APP: variants seen among roughly 807,000 people sequenced by gnomAD.
APP encodes amyloid beta precursor protein.
Under a neutral mutation model 101.4 loss-of-function variants are expected in APP, and 31 were observed. That is an observed-to-expected ratio of 0.31 (90% CI 0.23 to 0.41). APP has a LOEUF of 0.41. Ranked by LOEUF, APP falls within the 10% of genes least tolerant of loss-of-function variation. APP has a pLI of 1.00. For synonymous variants in APP, 366 were observed against 364.4 expected (o/e 1.00, Z -0.05); for missense variants, 839 against 1,003.7 (o/e 0.84, Z 2.22).
intron 1 of APP, among the ~76,000 whole-genome samples, chr21:26,166,529 T>C (rs921907917): frequency 2.0e-5 from 3 of 152,134 alleles, no homozygotes; most frequent in African/African-American, 7.2e-5. Flanking sequence ...CATCGGAACA[T>C]TTATACTATT....
chr21:25,960,294 T>C (rs8132389), intron 11 of APP, among the ~76,000 whole-genome samples: 6,432 of 152,214 alleles, frequency 0.042, 370 homozygotes, highest in East Asian at 0.15. Context: ...CTGGGGTGAT[T>C]ACTCTTATCT....
chr21:25,891,747 G>A lies in APP; in HGVS notation c.2186C>T (p.Thr729Ile). 4 of 1,614,136 alleles carry A rather than the reference G, an allele frequency of 2.5e-6. No homozygotes were observed. The highest frequency in any genetic ancestry group is 2.5e-6 in the Non-Finnish European group (3 of 1,180,004). ...TLVMLKKKQY[T>I]SIHHGVVEVD... is the part of the protein sequence containing the mutation. ...CTCCACCACACCATGATGAATGGATGTGTACTGTTTCTTCTTCAGCATCAC... is the reference window on the plus strand; with the variant it reads ...CTCCACCACACCATGATGAATGGATATGTACTGTTTCTTCTTCAGCATCAC... The change falls in exon 17 of 18, where the codon ACA (threonine) becomes ATA (isoleucine). Residue 729 changes from threonine to isoleucine, a missense_variant. Transcript: ENST00000346798.
intron 5 of APP, among the ~76,000 whole-genome samples, chr21:26,050,324 A>C (rs1433602438): frequency 6.6e-6 from 1 of 152,218 alleles, no homozygotes; most frequent in East Asian, 1.9e-4. Context: ...TGCCTGAACC[A>C]GATGGCATTT....
intron 6 of APP, among the ~76,000 whole-genome samples, chr21:26,016,852 G>A (rs2044088722): frequency 6.7e-6 from 1 of 149,864 alleles, no homozygotes; most frequent in Non-Finnish European, 1.5e-5. Flanking sequence ...TTATAGGCAT[G>A]AGCCATTGCG....
intron 3 of APP, among the ~76,000 whole-genome samples, chr21:26,069,058 T>A (rs187976050): frequency 6.6e-6 from 1 of 152,346 alleles, no homozygotes; most frequent in African/African-American, 2.4e-5. Context: ...GGAACAGAAC[T>A]AACACTGAAC....
At chr21:25,995,379 C>T (rs897481159) in intron 8 of APP, among the ~76,000 whole-genome samples, 3 of 152,250 alleles carry the variant, frequency 2.0e-5, no homozygotes, top group South Asian at 2.1e-4. Flanking sequence ...GCTTCTGAAT[C>T]GCAAATGTGA....
intron 2 of APP, among the ~76,000 whole-genome samples, chr21:26,098,004 T>C (rs1041424324): frequency 7.2e-6 from 1 of 138,248 alleles, no homozygotes. Flanking sequence ...GGCGTGAACC[T>C]GGGAGGCGGA....
At chr21:26,018,782 G>T (rs1200300214) in intron 6 of APP, among the ~76,000 whole-genome samples, 1 of 152,120 alleles carries the variant, frequency 6.6e-6, no homozygotes, top group Non-Finnish European at 1.5e-5. Flanking sequence ...TGCTTTTGTT[G>T]CTCTTCTTGC....
At chr21:26,006,926 T>C (rs1246157408) in intron 6 of APP, among the ~76,000 whole-genome samples, 1 of 152,212 alleles carries the variant, frequency 6.6e-6, no homozygotes, top group Non-Finnish European at 1.5e-5. Context: ...GAATTTCAAG[T>C]ATTCTCAGCC....
intron 1 of APP, among the ~76,000 whole-genome samples, chr21:26,135,742 T>C (rs432766): frequency 0.61 from 92,614 of 152,040 alleles, 30,718 homozygotes; most frequent in African/African-American, 0.89. Flanking sequence ...CCCAGATCTT[T>C]ATCTCCCCAA....
In APP at chr21:25,954,708, A is replaced by T. The variant is rs1378613663; in HGVS notation, c.1588-19T>A. 1 of 1,587,702 alleles carries T rather than the reference A, an allele frequency of 6.3e-7. No individual in the cohort carries two copies. Among genetic ancestry groups the T allele is most frequent in the Non-Finnish European group, 8.6e-7 (1 of 1,156,726 alleles). ...TCATAACCTGCATCAAAGGATGACA[A>T]CTCCAGGTCAACAATGTCTGGGGGT... On this transcript the variant is annotated intron_variant, in intron 12 of 17. Coordinates refer to ENST00000346798, the MANE Select transcript of APP (RefSeq NM_000484.4).
intron 1 of APP, among the ~76,000 whole-genome samples, chr21:26,112,396 A>G (rs780696512): frequency 6.6e-6 from 1 of 152,236 alleles, no homozygotes; most frequent in Non-Finnish European, 1.5e-5. Flanking sequence ...GAATTTATTC[A>G]TGAAAAATTT....
intron 6 of APP, among the ~76,000 whole-genome samples, chr21:26,005,336 C>T (rs1427214430): frequency 6.6e-6 from 1 of 152,116 alleles, no homozygotes; most frequent in Non-Finnish European, 1.5e-5. Context: ...ATCACTTGAA[C>T]CTGGGAAGCG....
In APP at chr21:25,961,904, A is replaced by AT. The variant is rs56762084; in HGVS notation, c.1459-6150dup. Among the ~76,000 whole-genome samples, 635 of 147,670 alleles carry AT rather than the reference A, an allele frequency of 4.3e-3. 5 individuals are homozygous for AT. The highest frequency in any genetic ancestry group is 0.012 in the African/African-American group (502 of 40,684). On this transcript the variant is annotated intron_variant, in intron 11 of 17. Coordinates refer to ENST00000346798, the MANE Select transcript of APP (RefSeq NM_000484.4). The stretch of plus-strand genomic sequence containing the variant: ...TATTGATAAAGAGAGTTTAAGAAAC[A>AT]TTTTTTTTTTTTAACCTGCAGGCAT...
chr21:25,890,074 C>T (rs1331021348), intron 17 of APP, among the ~76,000 whole-genome samples: 1 of 152,150 alleles, frequency 6.6e-6, no homozygotes, highest in African/African-American at 2.4e-5. Context: ...AGCTTAGATA[C>T]TATCACAAAA....
intron 13 of APP, among the ~76,000 whole-genome samples, chr21:25,945,076 T>C (rs1181727586): frequency 6.6e-6 from 1 of 152,132 alleles, no homozygotes; most frequent in African/African-American, 2.4e-5. Context: ...TGCCCACACA[T>C]GCACAAAAAT....
intron 1 of APP, among the ~76,000 whole-genome samples, chr21:26,122,424 T>C (rs968900910): frequency 2.0e-5 from 3 of 152,228 alleles, no homozygotes; most frequent in African/African-American, 7.2e-5. Flanking sequence ...TCATATTGTC[T>C]TCAATGTGCA....
At chr21:25,907,286 G>A (rs1226210867) in intron 14 of APP, among the ~76,000 whole-genome samples, 1 of 152,078 alleles carries the variant, frequency 6.6e-6, no homozygotes, top group Non-Finnish European at 1.5e-5. Context: ...AGCTGATTTA[G>A]TATAAATTAA....
rs568617868 is a variant in APP, at chr21:25,899,630, A to C, written c.1964-1957T>G. ...GGAAACAGACCCACCAGGTCCAATC[A>C]AACCTTCAGATGACTTTAGCTCAGG... On this transcript the variant is annotated intron_variant, in intron 15 of 17. Transcript: ENST00000346798. Among the ~76,000 whole-genome samples, 6 of 152,296 alleles carry C rather than the reference A, an allele frequency of 3.9e-5. No homozygotes were observed. The East Asian group carries it at 5.8e-4, about 15-fold the overall frequency.
Sources: allele counts gnomAD v4.1 joint callset (sites outside exome capture counted in the v4.1 genomes callset), GRCh38; gene constraint gnomAD v4.1.1; transcripts MANE v1.5; gene names NCBI Gene and HGNC (gene_info 2026-07-23, HGNC 2026-07-21).